SCML1: variants seen among roughly 807,000 people sequenced by gnomAD.
The protein encoded by SCML1 is sex comb on midleg-like protein 1.
For missense variants in SCML1, 137 were observed against 258.1 expected, an observed-to-expected ratio of 0.53 and a Z score of 3.22; for synonymous variants, 104 against 103.6, an observed-to-expected ratio of 1.00 and a Z score of -0.02.
chrX:17,752,178 G>A (rs1484630358), intron 7 of SCML1, among the ~76,000 whole-genome samples: 1 of 111,714 alleles, frequency 9.0e-6, no homozygotes, highest in African/African-American at 3.3e-5. Context: ...AATACAAACT[G>A]CCTCAGCTTC....
chrX:17,747,512 T>G (rs913823179), intron 4 of SCML1, among the ~76,000 whole-genome samples: 7 of 112,071 alleles, frequency 6.2e-5, no homozygotes, highest in Non-Finnish European at 1.1e-4. Context: ...CTCTGGGTAT[T>G]TATGAACCTG....
chrX:17,738,561 G>A (rs2066563344), intron 1 of SCML1, among the ~76,000 whole-genome samples: 1 of 111,469 alleles, frequency 9.0e-6, no homozygotes, highest in African/African-American at 3.3e-5. Flanking sequence ...GAGTCCCGCA[G>A]GAAGGTTTAG....
rs1448362137 is a variant in SCML1, at chrX:17,754,823, TTCC to T, written c.*1433_*1435del. On this transcript the variant is annotated 3_prime_UTR_variant, in exon 8 of 8. Coordinates refer to ENST00000380041, the MANE Select transcript of SCML1 (RefSeq NM_001037540.3). ...TTAAAGAATAGCTTCATCAATGTTA[TTCC>T]TTACATGTCATAAGATTCTTACTTA... is the stretch of plus-strand genomic sequence containing the variant. 8.9e-6 allele frequency: 1 copy of T among 112,976 alleles called. No homozygotes were observed. Among genetic ancestry groups the T allele is most frequent in the Non-Finnish European group, 1.9e-5 (1 of 53,351 alleles). The allele number at this position is 112,976 out of a possible 1,213,427, so 9.3% of individuals were successfully genotyped here.
chrX:17,749,718 T>C (rs1194164416), intron 5 of SCML1, 176 bp from the exon 6 acceptor site: 6 of 522,996 alleles, frequency 1.1e-5, no homozygotes, highest in Non-Finnish European at 1.8e-5. Context: ...TTTGTAATTA[T>C]AATGTGTAAA....
intron 6 of SCML1, 125 bp from the exon 7 acceptor site, chrX:17,751,690 C>G: frequency 1.4e-6 from 1 of 717,877 alleles, no homozygotes. Context: ...TGACTCCTTG[C>G]TAGGAACATC....
intron 3 of SCML1, 163 bp from the exon 4 acceptor site, chrX:17,745,855 G>T: frequency 3.0e-6 from 1 of 338,914 alleles, no homozygotes; most frequent in Non-Finnish European, 5.1e-6. Context: ...ATATTAATGT[G>T]AATTTTAAAA....
chrX:17,752,865 G>A (rs1374582147), intron 7 of SCML1, among the ~76,000 whole-genome samples: 5 of 111,324 alleles, frequency 4.5e-5, no homozygotes, highest in African/African-American at 1.3e-4. Flanking sequence ...TGATGTTGAC[G>A]TACTCATCTT....
Position 17,737,732 on chromosome X carries a change from C to G in SCML1, c.-117+52C>G, listed in dbSNP as rs188375952. On this transcript the variant is annotated intron_variant, in intron 1 of 7. Coordinates refer to ENST00000380041, the MANE Select transcript of SCML1 (RefSeq NM_001037540.3). ...CCTTGAACTTTCCGTCACGGGAATA[C>G]ACGATTTGGCTTAGGGGCCGGGGCT... is the stretch of plus-strand genomic sequence containing the variant. 4.5e-5 allele frequency: 5 copies of G among 111,388 alleles called. No homozygotes were observed. The East Asian group carries it at 1.1e-3, about 25-fold the overall frequency. The allele number at this position is 111,388 out of a possible 1,213,427, so 9.2% of individuals were successfully genotyped here.
chrX:17,741,616 C>T (rs1342177086), intron 1 of SCML1, among the ~76,000 whole-genome samples: 1 of 112,010 alleles, frequency 8.9e-6, no homozygotes, highest in African/African-American at 3.3e-5. Context: ...TTACTTAAAT[C>T]AAGCTTGTCC....
chrX:17,747,318 C>T (rs994717329), intron 4 of SCML1, among the ~76,000 whole-genome samples: 7 of 111,293 alleles, frequency 6.3e-5, no homozygotes, highest in Non-Finnish European at 1.1e-4. Flanking sequence ...CCCCCTCTCT[C>T]TCCTCTGGCT....
chrX:17,737,638 C>A lies in SCML1; in HGVS notation c.-159C>A, dbSNP rs2066549700. On this transcript the variant is annotated 5_prime_UTR_variant, in exon 1 of 8. Coordinates refer to ENST00000380041, the MANE Select transcript of SCML1 (RefSeq NM_001037540.3). The stretch of plus-strand genomic sequence containing the variant: ...AGGACTACTGCGAGCAGTTTTACCG[C>A]GACCTCCGGAGGCCGGCGTGACAGG... 9.0e-6 allele frequency: 1 copy of A among 111,249 alleles called. No homozygotes were observed. 9.2% of individuals were successfully genotyped at this position (111,249 alleles called of 1,213,427 possible).
chrX:17,741,087 C>G (rs1445878630), intron 1 of SCML1, among the ~76,000 whole-genome samples: 1 of 112,229 alleles, frequency 8.9e-6, no homozygotes, highest in Non-Finnish European at 1.9e-5. Context: ...AGGCTTAGAA[C>G]TGCTGTCCCC....
At chrX:17,737,933 T>G (rs1940981864) in intron 1 of SCML1, 1 of 111,865 alleles carries the variant, frequency 8.9e-6, no homozygotes, top group Non-Finnish European at 1.9e-5. Context: ...GTGCTGACTT[T>G]CGGGGACGAC....
intron 6 of SCML1, among the ~76,000 whole-genome samples, 157 bp downstream of exon 6, chrX:17,750,450 A>G (rs2066697812): frequency 8.9e-6 from 1 of 112,490 alleles, no homozygotes; most frequent in African/African-American, 3.2e-5. Flanking sequence ...TATTTGACCT[A>G]TATTTATCAA....
intron 3 of SCML1, 89 bp from the exon 4 acceptor site, chrX:17,745,929 A>G: frequency 4.2e-6 from 2 of 474,796 alleles, no homozygotes; most frequent in East Asian, 7.7e-5. Flanking sequence ...AAAACAATTT[A>G]AATAAATAAA....
Position 17,754,103 on chromosome X carries a change from C to A in SCML1, c.*711C>A, listed in dbSNP as rs1228980228. On this transcript the variant is annotated 3_prime_UTR_variant, in exon 8 of 8. Transcript: ENST00000380041. ...GTCTGACTACTTTTTTTCAAACAAA[C>A]TATTATATTAAAACTGTCATATTTT... The A allele has an allele frequency of 9.0e-6, 1 of 111,369 alleles. No homozygotes were observed. The highest frequency in any genetic ancestry group is 1.9e-5 in the Non-Finnish European group (1 of 53,005). The allele number at this position is 111,369 out of a possible 1,213,427, so 9.2% of individuals were successfully genotyped here.
At chrX:17,750,486 C>A (rs2066698051) in intron 6 of SCML1, among the ~76,000 whole-genome samples, 193 bp downstream of exon 6, 1 of 112,554 alleles carries the variant, frequency 8.9e-6, no homozygotes. Context: ...CTAGTGGAAG[C>A]TGTTCGTTTC....
rs756194777 is a variant in SCML1, at chrX:17,749,914, G to A, written c.324G>A (p.Lys108=). 77 of 1,207,072 alleles carry A rather than the reference G, an allele frequency of 6.4e-5. No individual in the cohort carries two copies. Among genetic ancestry groups the A allele is most frequent in the Non-Finnish European group, 8.4e-5 (75 of 893,644 alleles). Reference sequence around the variant, plus strand: ...TTCAGAAGCGATATGGATATAAAAAGCATTCTTACCGGCTTGTTAAAAAGC... The same window carrying A: ...TTCAGAAGCGATATGGATATAAAAAACATTCTTACCGGCTTGTTAAAAAGC... The part of the protein sequence containing the change: ...WTNHKRYGYK[K]HSYRLVKKLK... Residue 108 remains lysine, a synonymous_variant, in exon 6 of 8, where the codon AAG becomes AAA. Coordinates refer to ENST00000380041, the MANE Select transcript of SCML1 (RefSeq NM_001037540.3).
intron 1 of SCML1, among the ~76,000 whole-genome samples, chrX:17,741,508 T>C (rs1490985756): frequency 8.9e-6 from 1 of 111,944 alleles, no homozygotes; most frequent in Non-Finnish European, 1.9e-5. Context: ...ACTGTGTTAT[T>C]GGTAGCAAAG....
Sources: allele counts gnomAD v4.1 joint callset (sites outside exome capture counted in the v4.1 genomes callset), GRCh38; gene constraint gnomAD v4.1.1; transcripts MANE v1.5; gene names NCBI Gene and HGNC (gene_info 2026-07-23, HGNC 2026-07-21).